Variants in ARSJ observed in about 807,000 individuals in gnomAD.
ARSJ encodes the protein arylsulfatase family member J.
Under a neutral mutation model 35.9 loss-of-function variants are expected in ARSJ, and 26 were observed. The observed-to-expected ratio is 0.72, with a 90% CI of 0.53 to 1.00. The LOEUF is 1.00. ARSJ is among the 50% of genes least tolerant of loss of function. The probability of loss-of-function intolerance (pLI) is 0.00; values close to 1 mark genes in which losing one functional copy is unlikely to be tolerated. For missense variants in ARSJ, 667 were observed against 723.6 expected, an observed-to-expected ratio of 0.92 and a Z score of 0.90; for synonymous variants, 294 against 267.6, an observed-to-expected ratio of 1.10 and a Z score of -0.96.
intron 1 of ARSJ, among the ~76,000 whole-genome samples, chr4:113,924,322 G>T (rs993351097): frequency 8.6e-5 from 13 of 151,570 alleles, no homozygotes; most frequent in Non-Finnish European, 1.5e-4. Flanking sequence ...ATGTTTTTCT[G>T]CCTGCTTTAT....
chr4:113,964,419 G>A (rs915174144), intron 1 of ARSJ, among the ~76,000 whole-genome samples: 4 of 152,010 alleles, frequency 2.6e-5, no homozygotes, highest in Non-Finnish European at 4.4e-5. Context: ...GTTATCAGTT[G>A]CTTTTTGCTC....
rs534803790 is a variant in ARSJ at position 113,927,541 on chromosome 4, G to A, written c.399-23866C>T. Among the ~76,000 whole-genome samples the A allele has an allele frequency of 4.9e-4, 74 of 152,302 alleles. 1 individual carries two copies. Among genetic ancestry groups the A allele is most frequent in the African/African-American group, 1.5e-3 (61 of 41,574 alleles). On this transcript the variant is annotated intron_variant, in intron 1 of 1. Transcript: ENST00000315366. Reference sequence around the variant, plus strand: ...ATAGGACAGTAAAGGTAAATTGCTGGCCTTGCCAGCTGAAGGCAAATTGCT... The same window carrying A: ...ATAGGACAGTAAAGGTAAATTGCTGACCTTGCCAGCTGAAGGCAAATTGCT...
chr4:113,965,030 A>G (rs1034970051), intron 1 of ARSJ, among the ~76,000 whole-genome samples: 1 of 152,196 alleles, frequency 6.6e-6, no homozygotes, highest in Non-Finnish European at 1.5e-5. Flanking sequence ...AAAACACTGT[A>G]ACAAAAATAG....
chr4:113,922,106 A>T (rs1442631705), intron 1 of ARSJ, among the ~76,000 whole-genome samples: 1 of 152,132 alleles, frequency 6.6e-6, no homozygotes, highest in African/African-American at 2.4e-5. Context: ...ACTACAAGAA[A>T]GAACATTTTA....
At chr4:113,953,294 G>A (rs775515987) in intron 1 of ARSJ, among the ~76,000 whole-genome samples, 4 of 151,950 alleles carry the variant, frequency 2.6e-5, no homozygotes, top group Non-Finnish European at 5.9e-5. Context: ...TAGAATTTGC[G>A]GTGAGTGGAC....
chr4:113,932,963 T>C (rs948421078), intron 1 of ARSJ, among the ~76,000 whole-genome samples: 3 of 151,840 alleles, frequency 2.0e-5, no homozygotes, highest in African/African-American at 7.2e-5. Flanking sequence ...ACTTTTGAGC[T>C]AGACTAACTA....
chr4:113,915,248 T>A (rs1267359815), intron 1 of ARSJ, among the ~76,000 whole-genome samples: 1 of 152,214 alleles, frequency 6.6e-6, no homozygotes, highest in Non-Finnish European at 1.5e-5. Context: ...GTAAGGGTTA[T>A]TGGCTCTGTC....
At chr4:113,918,456 T>C (rs893204434) in intron 1 of ARSJ, among the ~76,000 whole-genome samples, 1 of 152,170 alleles carries the variant, frequency 6.6e-6, no homozygotes, top group Admixed American at 6.6e-5. Context: ...TCTATTATGG[T>C]AAAAATCAAT....
chr4:113,936,318 G>A (rs1724765633), intron 1 of ARSJ, among the ~76,000 whole-genome samples: 1 of 151,722 alleles, frequency 6.6e-6, no homozygotes, highest in Non-Finnish European at 1.5e-5. Context: ...AGTTTTTATG[G>A]TTTATGTGTC....
intron 1 of ARSJ, among the ~76,000 whole-genome samples, chr4:113,941,345 C>A (rs1725147480): frequency 1.3e-5 from 2 of 152,066 alleles, no homozygotes; most frequent in Non-Finnish European, 1.5e-5. Flanking sequence ...AGAGTCACTT[C>A]TTTATATTCA....
At chr4:113,941,911 A>G (rs2149270070) in intron 1 of ARSJ, among the ~76,000 whole-genome samples, 1 of 152,140 alleles carries the variant, frequency 6.6e-6, no homozygotes. Context: ...AAGTGAAAAC[A>G]TGTAAGAAGC....
chr4:113,914,961 G>A (rs1723202989), intron 1 of ARSJ, among the ~76,000 whole-genome samples: 1 of 152,136 alleles, frequency 6.6e-6, no homozygotes. Flanking sequence ...ATAATTCTGT[G>A]TTATAAAGCA....
Position 113,978,907 on chromosome 4 carries a change from C to T in ARSJ, c.-73G>A, listed in dbSNP as rs1414297870. ...CGCCGCTGCGGGCGCACACATGCACCCAACAGACGGTGAAGACTCTCCACC... is the reference window on the plus strand; with the variant it reads ...CGCCGCTGCGGGCGCACACATGCACTCAACAGACGGTGAAGACTCTCCACC... On this transcript the variant is annotated 5_prime_UTR_variant, in exon 1 of 2. It introduces an in-frame stop codon into an upstream open reading frame of the 5' UTR. Transcript: ENST00000315366. 1 of 1,466,924 alleles carries T rather than the reference C, an allele frequency of 6.8e-7. No homozygotes were observed. 90.9% of individuals were successfully genotyped at this position (1,466,924 alleles called of 1,614,324 possible).
intron 1 of ARSJ, among the ~76,000 whole-genome samples, chr4:113,909,757 T>C (rs562328334): frequency 1.3e-5 from 2 of 152,256 alleles, no homozygotes; most frequent in East Asian, 3.9e-4. Flanking sequence ...GGTATATCCT[T>C]AGAGCAGCAT....
chr4:113,946,451 T>A (rs1240981272), intron 1 of ARSJ: 1 of 151,868 alleles, frequency 6.6e-6, no homozygotes, highest in Non-Finnish European at 1.5e-5. Flanking sequence ...TAAAGATAAT[T>A]TTAAAACACC....
In ARSJ at chr4:113,979,029, A is replaced by G; in HGVS notation, c.-195T>C. Reference sequence around the variant, plus strand: ...TAATGGATGGGACTCCGGAAGAACAAGGAGGGCTCGCTCTTCTCCAGCACA... The same window carrying G: ...TAATGGATGGGACTCCGGAAGAACAGGGAGGGCTCGCTCTTCTCCAGCACA... On this transcript the variant is annotated 5_prime_UTR_variant, in exon 1 of 2. Coordinates refer to ENST00000315366, the MANE Select transcript of ARSJ (RefSeq NM_024590.4). 1.9e-6 allele frequency: 1 copy of G among 538,050 alleles called. No homozygotes were observed. The highest frequency in any genetic ancestry group is 3.2e-6 in the Non-Finnish European group (1 of 313,364). The allele number at this position is 538,050 out of a possible 1,614,324, so 33.3% of individuals were successfully genotyped here.
At chr4:113,944,055 C>G (rs1342361227) in intron 1 of ARSJ, 2 of 151,966 alleles carry the variant, frequency 1.3e-5, no homozygotes, top group Non-Finnish European at 2.9e-5. Flanking sequence ...ATTTTGGTAG[C>G]AAAGAGGAAA....
At chr4:113,977,745 A>T (rs948322865) in intron 1 of ARSJ, among the ~76,000 whole-genome samples, 4 of 152,236 alleles carry the variant, frequency 2.6e-5, no homozygotes. Flanking sequence ...AAGCATCCAA[A>T]TAGTCTGATT....
intron 1 of ARSJ, chr4:113,970,917 T>G (rs1474780074): frequency 6.6e-6 from 1 of 151,942 alleles, no homozygotes; most frequent in East Asian, 1.9e-4. Flanking sequence ...ATTATGCCGC[T>G]GCACTCCAGC....
Sources: allele counts gnomAD v4.1 joint callset (sites outside exome capture counted in the v4.1 genomes callset), GRCh38; gene constraint gnomAD v4.1.1; transcripts MANE v1.5; gene names NCBI Gene and HGNC (gene_info 2026-07-23, HGNC 2026-07-21).